Variants in DGKB observed in about 807,000 individuals in gnomAD.
DGKB encodes the protein diacylglycerol kinase beta.
A neutral mutation model predicts 114.3 loss-of-function variants in DGKB; 67 were observed. The ratio of observed to expected loss-of-function variants is 0.59; its 90% CI spans 0.48 to 0.72. The LOEUF is 0.72. DGKB is among the 30% of genes least tolerant of loss of function. DGKB has a pLI of 0.00. For missense variants in DGKB, 907 were observed against 975.2 expected (o/e 0.93, Z 0.93); for synonymous variants, 398 against 323.1 (o/e 1.23, Z -2.49).
chr7:14,603,773 T>C (rs898602351), intron 17 of DGKB, among the ~76,000 whole-genome samples: 8 of 152,106 alleles, frequency 5.3e-5, no homozygotes, highest in Non-Finnish European at 1.2e-4. Context: ...TGAAAAATAA[T>C]TTACATATTT....
chr7:14,547,609 C>T (rs1794488771), intron 20 of DGKB, among the ~76,000 whole-genome samples: 1 of 152,072 alleles, frequency 6.6e-6, no homozygotes, highest in South Asian at 2.1e-4. Context: ...TTAATTACAT[C>T]TTCAGGAATA....
chr7:14,313,724 C>T (rs6957881), intron 23 of DGKB, among the ~76,000 whole-genome samples: 7,782 of 152,002 alleles, frequency 0.051, 463 homozygotes, highest in African/African-American at 0.15. Context: ...CGCCATTGCC[C>T]AGGCTTGCTT....
intron 1 of DGKB, among the ~76,000 whole-genome samples, chr7:14,875,472 C>T (rs1853135380): frequency 6.6e-6 from 1 of 152,100 alleles, no homozygotes; most frequent in South Asian, 2.1e-4. Context: ...CAATTTGCAA[C>T]ATTGTGAAAT....
chr7:14,648,350 C>G (rs940525702), intron 13 of DGKB, among the ~76,000 whole-genome samples: 1 of 152,176 alleles, frequency 6.6e-6, no homozygotes, highest in African/African-American at 2.4e-5. Context: ...GACCCCCGAG[C>G]AGCCTAACTG....
intron 2 of DGKB, among the ~76,000 whole-genome samples, chr7:14,801,908 A>G (rs561513048): frequency 2.9e-5 from 4 of 138,500 alleles, no homozygotes; most frequent in Non-Finnish European, 6.1e-5. Flanking sequence ...ACACACATAT[A>G]CACACATATA....
chr7:14,297,623 C>T (rs1802807813), intron 23 of DGKB, among the ~76,000 whole-genome samples: 2 of 152,148 alleles, frequency 1.3e-5, no homozygotes, highest in Non-Finnish European at 1.5e-5. Context: ...AATCTGGAAG[C>T]ATTCTCTTTG....
At chr7:14,153,749 CAGAG>C (rs1782569607) in intron 25 of DGKB, among the ~76,000 whole-genome samples, 1 of 151,568 alleles carries the variant, frequency 6.6e-6, no homozygotes, top group Non-Finnish European at 1.5e-5. Flanking sequence ...TAAATGTCCT[CAGAG>C]AGAAAAAAAA....
chr7:14,688,789 C>T (rs1401115642), intron 9 of DGKB, among the ~76,000 whole-genome samples: 1 of 151,576 alleles, frequency 6.6e-6, no homozygotes, highest in African/African-American at 2.4e-5. Context: ...ACCTATTATC[C>T]TAGTGATTCT....
intron 23 of DGKB, among the ~76,000 whole-genome samples, chr7:14,267,232 A>G (rs139007569): frequency 1.2e-3 from 180 of 152,282 alleles, no homozygotes; most frequent in African/African-American, 3.8e-3. Context: ...TCCACCTCCT[A>G]TCTCAACACT....
At chr7:14,951,795 T>G (rs185302274) in intron 1 of DGKB, among the ~76,000 whole-genome samples, 2 of 151,968 alleles carry the variant, frequency 1.3e-5, no homozygotes, top group East Asian at 3.9e-4. Flanking sequence ...TTCTACTCAT[T>G]TTTCCTATAA....
intron 2 of DGKB, among the ~76,000 whole-genome samples, chr7:14,782,780 G>A (rs1437933687): frequency 6.6e-6 from 1 of 152,054 alleles, no homozygotes; most frequent in Non-Finnish European, 1.5e-5. Context: ...AGGCAAAGTG[G>A]AAGAGTAAGG....
intron 16 of DGKB, among the ~76,000 whole-genome samples, chr7:14,612,321 G>A (rs1014897143): frequency 2.0e-5 from 3 of 151,658 alleles, no homozygotes; most frequent in Non-Finnish European, 2.9e-5. Context: ...AGGTGCCCAC[G>A]ACCATGCCTC....
intron 1 of DGKB, among the ~76,000 whole-genome samples, chr7:14,857,240 AC>A (rs1246439938): frequency 2.0e-5 from 1 of 50,158 alleles, no homozygotes; most frequent in African/African-American, 1.1e-4. Flanking sequence ...CTTCCACCCA[AC>A]CCCCTGCTGT....
intron 21 of DGKB, among the ~76,000 whole-genome samples, chr7:14,408,828 T>A (rs1270344102): frequency 1.3e-5 from 2 of 152,044 alleles, no homozygotes; most frequent in East Asian, 3.9e-4. Context: ...TATTGAAGAT[T>A]TGGGACAATT....
intron 19 of DGKB, among the ~76,000 whole-genome samples, chr7:14,578,705 T>G (rs1799517515): frequency 6.6e-6 from 1 of 152,230 alleles, no homozygotes; most frequent in Non-Finnish European, 1.5e-5. Flanking sequence ...ATAGAAGTTC[T>G]CATTTGGAGA....
chr7:14,362,928 A>AC (rs1816011628), intron 21 of DGKB, among the ~76,000 whole-genome samples: 1 of 151,988 alleles, frequency 6.6e-6, no homozygotes, highest in South Asian at 2.1e-4. Context: ...ATCAGGACCA[A>AC]CCTTGTGACT....
rs557153123 is a variant in DGKB, at chr7:14,378,654, G to C, written c.1836-33263C>G. Among the ~76,000 whole-genome samples the C allele has an allele frequency of 7.2e-5, 11 of 152,216 alleles. No homozygotes were observed. In the South Asian group the frequency reaches 1.9e-3, roughly 26 times the overall value. On this transcript the variant is annotated intron_variant, in intron 21 of 25. Transcript: ENST00000402815. ...CTACATTGATAATTAATTTGCATTAGAGACTGACATCAAATGCCTCAGCCT... is the reference window on the plus strand; with the variant it reads ...CTACATTGATAATTAATTTGCATTACAGACTGACATCAAATGCCTCAGCCT...
intron 21 of DGKB, among the ~76,000 whole-genome samples, chr7:14,419,771 T>C (rs1469695359): frequency 6.6e-6 from 1 of 151,980 alleles, no homozygotes; most frequent in Admixed American, 6.6e-5. Context: ...AATCAAGATA[T>C]AAACTATGTG....
chr7:14,804,787 A>AT (rs1264220866), intron 2 of DGKB, among the ~76,000 whole-genome samples: 1 of 151,858 alleles, frequency 6.6e-6, no homozygotes, highest in Non-Finnish European at 1.5e-5. Flanking sequence ...CAATATAGGC[A>AT]TTTTTCCCAT....
Sources: gnomAD v4.1 joint callset for allele counts (sites outside exome capture counted in the v4.1 genomes callset) on GRCh38, gnomAD v4.1.1 for gene constraint, MANE v1.5 for transcripts, NCBI Gene and HGNC (gene_info 2026-07-23, HGNC 2026-07-21) for gene names.